Variants in AP5M1 observed in about 807,000 individuals in gnomAD.
AP5M1 encodes the protein AP-5 complex subunit mu-1.
In AP5M1, 44 loss-of-function variants were observed where a neutral mutation model predicts 52.3. The observed-to-expected ratio is 0.84, with a 90% confidence interval of 0.66 to 1.08. The LOEUF is 1.08. AP5M1 is among the 50% of genes least tolerant of loss of function. The pLI is 0.00. For missense variants in AP5M1, 526 were observed against 568.4 expected (o/e 0.93, Z 0.76); for synonymous variants, 213 against 199.0 (o/e 1.07, Z -0.59).
At position 57,269,211 on chromosome 14, in the gene AP5M1, A is replaced by G; in HGVS notation, c.-104A>G. On this transcript the variant is annotated 5_prime_UTR_variant, in exon 1 of 8. Transcript: ENST00000261558. ...CGCGACCGGTATGCGGCGCAGGATG[A>G]GCCTCAGGGCTTCTGTTAAGAGTCT... 9.1e-7 allele frequency: 1 copy of G among 1,096,444 alleles called. No individual in the cohort carries two copies. The highest frequency in any genetic ancestry group is 1.6e-5 in the African/African-American group (1 of 63,604). 67.9% of individuals were successfully genotyped at this position (1,096,444 alleles called of 1,614,324 possible). A position where few individuals can be genotyped will look rare whatever the true frequency, so the allele number is the denominator to read the frequency against.
Position 57,268,984 on chromosome 14 carries a change from C to G in AP5M1, c.-331C>G. On this transcript the variant is annotated 5_prime_UTR_variant, in exon 1 of 8. Transcript: ENST00000261558. ...AGAACCGAAAAAAGGCTCGACGCTA[C>G]CGTGTATGAGGAACTTTGATCCTTG... 1.8e-6 allele frequency: 1 copy of G among 566,536 alleles called. No homozygotes were observed. Among genetic ancestry groups the G allele is most frequent in the South Asian group, 2.3e-5 (1 of 44,418 alleles). 35.1% of individuals were successfully genotyped at this position (566,536 alleles called of 1,614,324 possible). A position where few individuals can be genotyped will look rare whatever the true frequency, so the allele number is the denominator to read the frequency against.
At position 57,281,221 on chromosome 14, in the gene AP5M1, CAAA is replaced by C. The variant is rs1175650353; in HGVS notation, c.948+800_948+802del. On this transcript the variant is annotated intron_variant, in intron 3 of 7. Transcript: ENST00000261558. ...CCCATTTTACAGCTGAGGAGAGTCTCAAAGAAGTGAAATGACTTGCACCACGTC... is the reference window on the plus strand; with the variant it reads ...CCCATTTTACAGCTGAGGAGAGTCTCGAAGTGAAATGACTTGCACCACGTC... Among the ~76,000 whole-genome samples, 3 of 152,206 alleles carry C rather than the reference CAAA, an allele frequency of 2.0e-5. No homozygotes were observed. The East Asian group carries it at 5.8e-4, about 29-fold the overall frequency.
intron 7 of AP5M1, among the ~76,000 whole-genome samples, chr14:57,287,052 AAAC>A: frequency 6.6e-6 from 1 of 152,066 alleles, no homozygotes; most frequent in Non-Finnish European, 1.5e-5. Flanking sequence ...ATGAGACAAA[AAAC>A]AATTTATAAA....
chr14:57,280,889 CTCTTA>C (rs930921915), intron 3 of AP5M1, among the ~76,000 whole-genome samples: 1 of 151,722 alleles, frequency 6.6e-6, no homozygotes, highest in African/African-American at 2.4e-5. Flanking sequence ...AATAAGATAC[CTCTTA>C]TCTTTGGTGT....
In AP5M1 at chr14:57,273,770, C is replaced by T. The variant is rs769508105; in HGVS notation, c.75-474C>T. The T allele has an allele frequency of 4.1e-5, 29 of 700,312 alleles. 1 individual carries two copies. In the South Asian group the frequency reaches 4.3e-4, roughly 10 times the overall value. 43.4% of individuals were successfully genotyped at this position (700,312 alleles called of 1,614,324 possible). A position where few individuals can be genotyped will look rare whatever the true frequency, so the allele number is the denominator to read the frequency against. On this transcript the variant is annotated intron_variant, in intron 1 of 7. Transcript: ENST00000261558. The stretch of plus-strand genomic sequence containing the variant: ...TATAAGTTAAGTAGAATAGAACATT[C>T]CTTTTAAAATTGTACCATCTCAACT...
At chr14:57,282,000 G>A (rs1048157275) in intron 3 of AP5M1, 89 bp from the exon 4 acceptor site, 3 of 1,132,456 alleles carry the variant, frequency 2.6e-6, no homozygotes, top group Admixed American at 3.2e-5. Context: ...TAATCTCCAA[G>A]TCATTAAAAG....
intron 1 of AP5M1, 106 bp downstream of exon 1, chr14:57,269,494 C>T: frequency 9.2e-7 from 1 of 1,089,238 alleles, no homozygotes; most frequent in Non-Finnish European, 1.4e-6. Flanking sequence ...AGCTGCGTGA[C>T]CTTGGGCTAG....
At position 57,296,539 on chromosome 14, in the gene AP5M1, T is replaced by C. The variant is rs1196654216; in HGVS notation, c.*7655T>C. ...AAAGTAGATGCCACGCTTCTAATTCTGCTTTTGCTAAGGCAATAATCAGTA... is the reference window on the plus strand; with the variant it reads ...AAAGTAGATGCCACGCTTCTAATTCCGCTTTTGCTAAGGCAATAATCAGTA... On this transcript the variant is annotated 3_prime_UTR_variant, in exon 8 of 8. Transcript: ENST00000261558. The C allele has an allele frequency of 6.6e-6, 1 of 152,130 alleles. No homozygotes were observed. Among genetic ancestry groups the C allele is most frequent in the Non-Finnish European group, 1.5e-5 (1 of 67,980 alleles). The allele number at this position is 152,130 out of a possible 1,614,324, so 9.4% of individuals were successfully genotyped here. A position where few individuals can be genotyped will look rare whatever the true frequency, so the allele number is the denominator to read the frequency against.
chr14:57,282,919 C>A lies in AP5M1; in HGVS notation c.1089-15C>A, dbSNP rs1228861571. On this transcript the variant is annotated splice_polypyrimidine_tract_variant and intron_variant, in intron 4 of 7. Transcript: ENST00000261558. The stretch of plus-strand genomic sequence containing the variant: ...ATCTATGATCTTTTTCTATTTTATC[C>A]TTTTCTTTTTAAAGAGGTCCAATTA... 2.6e-6 allele frequency: 4 copies of A among 1,526,632 alleles called. No homozygotes were observed. The highest frequency in any genetic ancestry group is 2.7e-6 in the Non-Finnish European group (3 of 1,122,870). 94.6% of individuals were successfully genotyped at this position (1,526,632 alleles called of 1,614,324 possible). A position where few individuals can be genotyped will look rare whatever the true frequency, so the allele number is the denominator to read the frequency against.
intron 6 of AP5M1, 126 bp downstream of exon 6, chr14:57,283,356 G>T (rs1039841578): frequency 6.3e-6 from 4 of 633,762 alleles, no homozygotes; most frequent in Non-Finnish European, 1.1e-5. Context: ...TCTGGGATAA[G>T]TTCTCTTTTG....
intron 1 of AP5M1, among the ~76,000 whole-genome samples, chr14:57,273,985 CCTAAA>C (rs1324419252): frequency 2.6e-5 from 4 of 152,082 alleles, no homozygotes; most frequent in African/African-American, 9.7e-5. Flanking sequence ...ATGTACTCTA[CCTAAA>C]CTAGATAACT....
intron 7 of AP5M1, among the ~76,000 whole-genome samples, chr14:57,286,994 CAT>C (rs1491330257): frequency 4.0e-3 from 505 of 125,338 alleles, no homozygotes; most frequent in Non-Finnish European, 5.1e-3. Flanking sequence ...TACACACACA[CAT>C]ACACACACAC....
chr14:57,293,794 T>G lies in AP5M1; in HGVS notation c.*4910T>G, dbSNP rs958868618. On this transcript the variant is annotated 3_prime_UTR_variant, in exon 8 of 8. Transcript: ENST00000261558. ...TACAACACTAGTGTGTCTGACTTGGTGGGTTTCCCTGTGAAACATGTCAGT... is the reference window on the plus strand; with the variant it reads ...TACAACACTAGTGTGTCTGACTTGGGGGGTTTCCCTGTGAAACATGTCAGT... The G allele has an allele frequency of 2.0e-5, 3 of 151,688 alleles. No individual in the cohort carries two copies. The highest frequency in any genetic ancestry group is 4.8e-5 in the African/African-American group (2 of 41,380). The allele number at this position is 151,688 out of a possible 1,614,324, so 9.4% of individuals were successfully genotyped here.
Position 57,282,242 on chromosome 14 carries a change from G to C in AP5M1, c.1088+14G>C, listed in dbSNP as rs1413918952. 8.0e-6 allele frequency: 12 copies of C among 1,496,902 alleles called. No individual in the cohort carries two copies. Among genetic ancestry groups the C allele is most frequent in the Non-Finnish European group, 9.8e-6 (11 of 1,127,672 alleles). The allele number at this position is 1,496,902 out of a possible 1,614,324, so 92.7% of individuals were successfully genotyped here. On this transcript the variant is annotated intron_variant, in intron 4 of 7. Coordinates refer to ENST00000261558, the MANE Select transcript of AP5M1 (RefSeq NM_018229.4). ...TTTTTACAATAGGTAGGAATAAAATGCATATTGCCATAATTTCTGTCTTCC... is the reference window on the plus strand; with the variant it reads ...TTTTTACAATAGGTAGGAATAAAATCCATATTGCCATAATTTCTGTCTTCC...
rs1218858411 is a variant in AP5M1, at chr14:57,268,977, G to C, written c.-338G>C. 8.9e-6 allele frequency: 5 copies of C among 562,902 alleles called. No homozygotes were observed. Among genetic ancestry groups the C allele is most frequent in the African/African-American group, 4.0e-5 (2 of 50,342 alleles). The allele number at this position is 562,902 out of a possible 1,614,324, so 34.9% of individuals were successfully genotyped here. On this transcript the variant is annotated 5_prime_UTR_variant, in exon 1 of 8. Transcript: ENST00000261558. ...CGGCGAAAGAACCGAAAAAAGGCTC[G>C]ACGCTACCGTGTATGAGGAACTTTG...
chr14:57,287,800 T>A (rs1263146480), intron 7 of AP5M1, among the ~76,000 whole-genome samples: 3 of 152,130 alleles, frequency 2.0e-5, no homozygotes, highest in Non-Finnish European at 4.4e-5. Flanking sequence ...ATAATACCAA[T>A]TTAAATAATA....
In AP5M1 at chr14:57,280,194, G is replaced by A; in HGVS notation, c.721-1G>A. On this transcript the variant is annotated splice_acceptor_variant, in intron 2 of 7. Transcript: ENST00000261558. LOFTEE classifies it high-confidence loss of function. ...TGATAATCTTTCTGTTTGCATTTCA[G>A]TGTGATTTGGAAGGAATCATGCCAA... 1 of 1,607,230 alleles carries A rather than the reference G, an allele frequency of 6.2e-7. No homozygotes were observed. The highest frequency in any genetic ancestry group is 1.1e-5 in the South Asian group (1 of 90,856).
At chr14:57,277,004 A>C (rs1885054635) in intron 2 of AP5M1, among the ~76,000 whole-genome samples, 1 of 152,176 alleles carries the variant, frequency 6.6e-6, no homozygotes, top group South Asian at 2.1e-4. Flanking sequence ...TCGGTAGAAA[A>C]CCAGAGCCAA....
chr14:57,286,996 T>TAC (rs58786398), intron 7 of AP5M1, among the ~76,000 whole-genome samples: 2,797 of 140,440 alleles, frequency 0.02, 27 homozygotes, highest in Non-Finnish European at 0.03. Flanking sequence ...CACACACACA[T>TAC]ACACACACAC....
Sources: gnomAD v4.1 joint callset for allele counts (sites outside exome capture counted in the v4.1 genomes callset) on GRCh38, gnomAD v4.1.1 for gene constraint, MANE v1.5 for transcripts, NCBI Gene and HGNC (gene_info 2026-07-23, HGNC 2026-07-21) for gene names.